The following RMC1 variants were observed in gnomAD, a reference collection of about 807,000 sequenced individuals.
RMC1 encodes regulator of MON1-CCZ1, also known as regulator of MON1-CCZ1 complex.
In RMC1, 44 loss-of-function variants were observed where a neutral mutation model predicts 95.5. The ratio of observed to expected loss-of-function variants is 0.46; its 90% CI spans 0.36 to 0.59. The LOEUF (loss-of-function observed/expected upper bound fraction) is 0.59. Among genes scored for constraint, RMC1 ranks in the 20% least tolerant of loss-of-function variants. The pLI is 0.00. For missense variants in RMC1, 705 were observed against 819.6 expected (o/e 0.86, Z 1.71); for synonymous variants, 320 against 303.6 (o/e 1.05, Z -0.56).
rs959055112 is a variant in RMC1, at chr18:23,526,733, G to C, written c.1157G>C (p.Cys386Ser). 6.2e-7 allele frequency: 1 copy of C among 1,614,114 alleles called. No homozygotes were observed. Among genetic ancestry groups the C allele is most frequent in the Admixed American group, 1.7e-5 (1 of 60,018 alleles). ...GACTTTCTCCTCCAGAGAAAGGAATGCAAGATGGTCATCCTGTCTGTCTGT... is the reference window on the plus strand; with the variant it reads ...GACTTTCTCCTCCAGAGAAAGGAATCCAAGATGGTCATCCTGTCTGTCTGT... The part of the protein sequence containing the change: ...LMDFLLQRKE[C>S]KMVILSVCSQ... Residue 386 changes from cysteine (C) to serine (S), a missense_variant, in exon 13 of 20, where the codon TGC (cysteine) becomes TCC (serine). By Grantham distance (112) the Cys-to-Ser change is moderately radical (BLOSUM62 -1). Transcript: ENST00000269221.
intron 4 of RMC1, 104 bp downstream of exon 4, chr18:23,508,145 T>A: frequency 9.7e-7 from 1 of 1,035,860 alleles, no homozygotes; most frequent in Non-Finnish European, 1.4e-6. Flanking sequence ...AGACTTGAAG[T>A]CAGACTGTCC....
In RMC1 at chr18:23,515,994, A is replaced by C. The variant is rs759885771; in HGVS notation, c.547A>C (p.Arg183=). The C allele has an allele frequency of 6.2e-7, 1 of 1,614,028 alleles. No individual in the cohort carries two copies. The highest frequency in any genetic ancestry group is 8.5e-7 in the Non-Finnish European group (1 of 1,179,994). ...GAATGTCCTGCAGCCTTTTCACTTTAGGGTAAGAGGAAGCCTCCCCTGAAA... is the reference window on the plus strand; with the variant it reads ...GAATGTCCTGCAGCCTTTTCACTTTCGGGTAAGAGGAAGCCTCCCCTGAAA... ...LENVLQPFHF[R]AGTMSKLPKF... is the part of the protein sequence containing the mutation. Residue 183 remains arginine (R), a splice_region_variant and synonymous_variant, in exon 6 of 20, where the codon AGG becomes CGG. Coordinates refer to ENST00000269221, the MANE Select transcript of RMC1 (RefSeq NM_013326.5).
At position 23,520,298 on chromosome 18, in the gene RMC1, C is replaced by A. The variant is rs757079651; in HGVS notation, c.946C>A (p.Gln316Lys). 1.2e-6 allele frequency: 2 copies of A among 1,613,624 alleles called. No individual in the cohort carries two copies. The highest frequency in any genetic ancestry group is 1.1e-5 in the South Asian group (1 of 91,056). ...VLPARSIQPY[Q>K]IPITGPAAVT... ...TCCCGCTCGATCGATCCAGCCCTAT[C>A]AGATCCCCATCACAGGTAACACGGG... Residue 316 changes from glutamine to lysine, a missense_variant, in exon 10 of 20, where the codon CAG becomes AAG. Transcript: ENST00000269221.
chr18:23,524,824 G>A (rs190141080), intron 12 of RMC1, among the ~76,000 whole-genome samples: 42 of 151,672 alleles, frequency 2.8e-4, no homozygotes, highest in Middle Eastern at 3.4e-3. Flanking sequence ...ACCGGTGTCC[G>A]TGCCCTTTTC....
At chr18:23,504,232 A>G (rs2057659712) in intron 1 of RMC1, 139 bp from the exon 2 acceptor site, 2 of 705,308 alleles carry the variant, frequency 2.8e-6, no homozygotes, top group Non-Finnish European at 5.0e-6. Flanking sequence ...GCAGCCAAAC[A>G]TCTGTACCTT....
intron 10 of RMC1, among the ~76,000 whole-genome samples, chr18:23,521,965 C>G (rs1251721179): frequency 6.6e-6 from 1 of 152,186 alleles, no homozygotes; most frequent in Admixed American, 6.5e-5. Context: ...TCAGATGGCT[C>G]ACATTTGGAA....
At chr18:23,521,109 T>C (rs2058131359) in intron 10 of RMC1, among the ~76,000 whole-genome samples, 1 of 151,892 alleles carries the variant, frequency 6.6e-6, no homozygotes, top group Non-Finnish European at 1.5e-5. Context: ...CCTGCCTCGC[T>C]CTCCCAAAGT....
At chr18:23,525,551 A>C (rs530791700) in intron 12 of RMC1, among the ~76,000 whole-genome samples, 1 of 152,226 alleles carries the variant, frequency 6.6e-6, no homozygotes, top group East Asian at 1.9e-4. Flanking sequence ...CAGCCTCCCC[A>C]GTAGCTGGGA....
chr18:23,504,497 GT>G (rs1295280485), intron 2 of RMC1, 50 bp downstream of exon 2: 2 of 1,491,908 alleles, frequency 1.3e-6, no homozygotes, highest in African/African-American at 2.8e-5. Context: ...ACAGAATGAT[GT>G]TTTTCTAATT....
chr18:23,519,006 T>C (rs1402620010), intron 8 of RMC1, 27 bp downstream of exon 8: 1 of 1,613,404 alleles, frequency 6.2e-7, no homozygotes, highest in South Asian at 1.1e-5. Flanking sequence ...GTTTTCCCTC[T>C]CTCTCTGATT....
chr18:23,523,326 CCT>C (rs573768117), intron 10 of RMC1, among the ~76,000 whole-genome samples: 54 of 152,084 alleles, frequency 3.6e-4, no homozygotes, highest in African/African-American at 1.1e-3. Flanking sequence ...GTTAACGGTC[CCT>C]GTCATGTGAG....
intron 4 of RMC1, among the ~76,000 whole-genome samples, chr18:23,508,300 G>A (rs1292804624): frequency 6.6e-6 from 1 of 152,158 alleles, no homozygotes; most frequent in Non-Finnish European, 1.5e-5. Context: ...TAGCCCTTGG[G>A]GCTGTCGTCT....
At chr18:23,529,056 A>C in intron 14 of RMC1, 123 bp from the exon 15 acceptor site, 1 of 1,456,506 alleles carries the variant, frequency 6.9e-7, no homozygotes, top group South Asian at 1.4e-5. Context: ...ATCTAAGTAG[A>C]GAAAGTGTTT....
chr18:23,523,029 T>G (rs1263873449), intron 10 of RMC1: 1 of 152,220 alleles, frequency 6.6e-6, no homozygotes, highest in Non-Finnish European at 1.5e-5. Context: ...TGGGGGGCCT[T>G]AAAAATGAAA....
At chr18:23,513,295 C>T (rs987820433) in intron 5 of RMC1, among the ~76,000 whole-genome samples, 1 of 152,206 alleles carries the variant, frequency 6.6e-6, no homozygotes, top group African/African-American at 2.4e-5. Context: ...TGAAATTATA[C>T]AGTATTTGTC....
intron 14 of RMC1, chr18:23,528,566 G>T (rs1403447009): frequency 6.5e-6 from 1 of 153,250 alleles, no homozygotes; most frequent in East Asian, 1.9e-4. Flanking sequence ...TTCATGGAAG[G>T]GTAAGAGGTC....
At chr18:23,511,319 C>CTCAA (rs2057852090) in intron 5 of RMC1, among the ~76,000 whole-genome samples, 1 of 151,224 alleles carries the variant, frequency 6.6e-6, no homozygotes, top group African/African-American at 2.4e-5. Context: ...CGGGGGGCTA[C>CTCAA]TTGAGCAGGG....
At chr18:23,524,586 C>A in intron 12 of RMC1, 104 bp downstream of exon 12, 1 of 1,188,308 alleles carries the variant, frequency 8.4e-7, no homozygotes, top group Non-Finnish European at 1.2e-6. Flanking sequence ...TAGAAATGAC[C>A]CCTCCTTTCA....
chr18:23,503,833 G>T, intron 1 of RMC1, 113 bp downstream of exon 1: 3 of 907,126 alleles, frequency 3.3e-6, no homozygotes, highest in South Asian at 5.0e-5. Flanking sequence ...GTCCCGTCCC[G>T]TCCCAGCGCG....
Sources: gnomAD v4.1 joint callset for allele counts (sites outside exome capture counted in the v4.1 genomes callset) on GRCh38, gnomAD v4.1.1 for gene constraint, MANE v1.5 for transcripts, NCBI Gene and HGNC (gene_info 2026-07-23, HGNC 2026-07-21) for gene names.